The following DYNC1I1 variants were observed in gnomAD, a reference collection of about 807,000 sequenced individuals.
DYNC1I1 encodes dynein cytoplasmic 1 intermediate chain 1.
Under a neutral mutation model 86.6 loss-of-function variants are expected in DYNC1I1, and 43 were observed. The ratio of observed to expected loss-of-function variants is 0.50; its 90% CI spans 0.39 to 0.64. DYNC1I1 has a LOEUF of 0.64. Ranked by LOEUF, DYNC1I1 falls within the 30% of genes least tolerant of loss-of-function variation. DYNC1I1 has a pLI of 0.00. For synonymous variants in DYNC1I1, 262 were observed against 283.7 expected (o/e 0.92, Z 0.77); for missense variants, 604 against 788.8 (o/e 0.77, Z 2.81).
chr7:95,885,967 A>G (rs1425348289), intron 6 of DYNC1I1, among the ~76,000 whole-genome samples: 2 of 152,184 alleles, frequency 1.3e-5, no homozygotes, highest in East Asian at 1.9e-4. Context: ...TAAACTACCA[A>G]AGGTCTTATT....
chr7:95,817,646 G>T (rs561603593), intron 4 of DYNC1I1, among the ~76,000 whole-genome samples: 1 of 152,012 alleles, frequency 6.6e-6, no homozygotes, highest in Non-Finnish European at 1.5e-5. Flanking sequence ...AGTAAGCATT[G>T]CCTGTATCTT....
At chr7:95,957,523 A>G (rs1342203887) in intron 6 of DYNC1I1, among the ~76,000 whole-genome samples, 4 of 151,790 alleles carry the variant, frequency 2.6e-5, no homozygotes, top group Non-Finnish European at 4.4e-5. Context: ...AGAAGCTCCC[A>G]CTCCCTTGGT....
intron 6 of DYNC1I1, among the ~76,000 whole-genome samples, chr7:95,902,005 T>C (rs1346672284): frequency 1.3e-5 from 2 of 152,224 alleles, no homozygotes; most frequent in Non-Finnish European, 2.9e-5. Context: ...ATCCAGGTTT[T>C]CTGAATGCAC....
At position 95,968,384 on chromosome 7, in the gene DYNC1I1, T is replaced by C. The variant is rs147437847; in HGVS notation, c.491-9128T>C. On this transcript the variant is annotated intron_variant, in intron 6 of 16. Coordinates refer to ENST00000447467, the MANE Select transcript of DYNC1I1 (RefSeq NM_001135556.2). ...CTCTAACATTAATAGTCAGAGATGA[T>C]GACTCTTAGGTATGGAAGGTACCAC... Among the ~76,000 whole-genome samples, 1,441 of 152,318 alleles carry C rather than the reference T, an allele frequency of 9.5e-3. 11 individuals are homozygous for C. Among genetic ancestry groups the C allele is most frequent in the South Asian group, 0.016 (79 of 4,826 alleles).
intron 6 of DYNC1I1, among the ~76,000 whole-genome samples, chr7:95,970,868 G>A (rs966120661): frequency 6.6e-6 from 1 of 152,146 alleles, no homozygotes; most frequent in African/African-American, 2.4e-5. Context: ...ATAATGGAGG[G>A]GATTCACAAA....
chr7:95,811,225 T>C (rs1794823547), intron 3 of DYNC1I1, among the ~76,000 whole-genome samples: 1 of 152,144 alleles, frequency 6.6e-6, no homozygotes. Context: ...GTATCTCTCA[T>C]GTAATAGTTT....
intron 14 of DYNC1I1, among the ~76,000 whole-genome samples, chr7:96,058,962 A>G (rs559603568): frequency 3.9e-5 from 6 of 152,090 alleles, no homozygotes; most frequent in Non-Finnish European, 8.8e-5. Context: ...CTTGTTATGT[A>G]CAACAGTTGT....
intron 4 of DYNC1I1, among the ~76,000 whole-genome samples, chr7:95,820,835 C>G (rs554812769): frequency 6.6e-6 from 1 of 152,256 alleles, no homozygotes; most frequent in Non-Finnish European, 1.5e-5. Context: ...GCCTCGGCCT[C>G]CCAAAGCTCT....
chr7:96,038,069 G>T (rs147451580), intron 13 of DYNC1I1, among the ~76,000 whole-genome samples: 1 of 152,034 alleles, frequency 6.6e-6, no homozygotes, highest in Non-Finnish European at 1.5e-5. Flanking sequence ...TCAGTTCCTC[G>T]GGTTCATTAG....
At chr7:95,943,078 A>AC (rs1339334836) in intron 6 of DYNC1I1, among the ~76,000 whole-genome samples, 4 of 129,960 alleles carry the variant, frequency 3.1e-5, no homozygotes, top group Non-Finnish European at 6.5e-5. Flanking sequence ...AGAGGAAGTC[A>AC]AATTGTCCCT....
chr7:95,806,333 T>A (rs957795353), intron 2 of DYNC1I1, among the ~76,000 whole-genome samples: 1 of 152,184 alleles, frequency 6.6e-6, no homozygotes, highest in African/African-American at 2.4e-5. Context: ...AATTATGCTG[T>A]CTGCTTCATC....
At position 95,996,022 on chromosome 7, in the gene DYNC1I1, T is replaced by G. The variant is rs1340780293; in HGVS notation, c.918T>G (p.Val306=). The G allele has an allele frequency of 1.9e-6, 3 of 1,613,928 alleles. No homozygotes were observed. The highest frequency in any genetic ancestry group is 1.7e-4 in the Middle Eastern group (1 of 6,056). ...ATGAACCAGATGGAGTGGCCTTGGTTTGGAACATGAAGTTTAAGAAAACCA... is the reference window on the plus strand; with the variant it reads ...ATGAACCAGATGGAGTGGCCTTGGTGTGGAACATGAAGTTTAAGAAAACCA... The part of the protein sequence containing the change: ...APHEPDGVAL[V]WNMKFKKTTP... Residue 306 remains valine (V), a synonymous_variant, in exon 10 of 17, where the codon GTT becomes GTG. Transcript: ENST00000447467.
intron 14 of DYNC1I1, among the ~76,000 whole-genome samples, chr7:96,063,129 GTGTA>G (rs112885345): frequency 0.015 from 2,036 of 131,484 alleles, 20 homozygotes; most frequent in African/African-American, 0.048. Flanking sequence ...GTGTGTGTGT[GTGTA>G]TGTGTGTGTT....
In DYNC1I1 at chr7:95,960,031, T is replaced by A. The variant is rs532641760; in HGVS notation, c.491-17481T>A. ...GATAAAAAACTAGGCAAAGGTTAGATCACAGGAGATCATATATTGTAAGCT... is the reference window on the plus strand; with the variant it reads ...GATAAAAAACTAGGCAAAGGTTAGAACACAGGAGATCATATATTGTAAGCT... On this transcript the variant is annotated intron_variant, in intron 6 of 16. Transcript: ENST00000447467. Among the ~76,000 whole-genome samples the A allele has an allele frequency of 5.3e-5, 8 of 152,338 alleles. No individual in the cohort carries two copies. The South Asian group carries it at 1.7e-3, about 32-fold the overall frequency.
At chr7:95,934,920 G>A (rs922262662) in intron 6 of DYNC1I1, among the ~76,000 whole-genome samples, 11 of 148,898 alleles carry the variant, frequency 7.4e-5, no homozygotes, top group South Asian at 2.1e-4. Flanking sequence ...TTTGTTCTTC[G>A]TTTTTTTTTG....
chr7:96,105,235 A>G (rs560998501), intron 16 of DYNC1I1, among the ~76,000 whole-genome samples: 1 of 152,080 alleles, frequency 6.6e-6, no homozygotes, highest in African/African-American at 2.4e-5. Flanking sequence ...ATTGCTTACT[A>G]CATACACAAT....
At chr7:95,900,463 G>A (rs1331214930) in intron 6 of DYNC1I1, among the ~76,000 whole-genome samples, 1 of 152,048 alleles carries the variant, frequency 6.6e-6, no homozygotes, top group Non-Finnish European at 1.5e-5. Context: ...AGAAAAATAA[G>A]GACTATCTGG....
At chr7:95,858,496 C>A (rs1419352632) in intron 5 of DYNC1I1, among the ~76,000 whole-genome samples, 1 of 152,108 alleles carries the variant, frequency 6.6e-6, no homozygotes, top group African/African-American at 2.4e-5. Flanking sequence ...AAACCAATAT[C>A]ATAGTCATTT....
intron 5 of DYNC1I1, among the ~76,000 whole-genome samples, chr7:95,841,010 G>A (rs2116012634): frequency 6.6e-6 from 1 of 152,318 alleles, no homozygotes; most frequent in South Asian, 2.1e-4. Context: ...ACTGAGCCAG[G>A]AAGAGGAACT....
Sources: gnomAD v4.1 joint callset for allele counts (sites outside exome capture counted in the v4.1 genomes callset) on GRCh38, gnomAD v4.1.1 for gene constraint, MANE v1.5 for transcripts, NCBI Gene and HGNC (gene_info 2026-07-23, HGNC 2026-07-21) for gene names.